SLC19A1: variants seen among roughly 807,000 people sequenced by gnomAD.
The protein encoded by SLC19A1 is solute carrier family 19 member 1.
In SLC19A1, 37 loss-of-function variants were observed where a neutral mutation model predicts 35.3. The ratio of observed to expected loss-of-function variants is 1.05; its 90% CI spans 0.81 to 1.38. The LOEUF (loss-of-function observed/expected upper bound fraction) is 1.38, where lower values mean the gene tolerates loss of function less well. SLC19A1 is among the 40% of genes most tolerant of loss of function. The pLI, the probability that SLC19A1 is intolerant of heterozygous loss-of-function variation, is 0.00. For synonymous variants in SLC19A1, 460 were observed against 398.5 expected (o/e 1.15, Z -1.84); for missense variants, 831 against 826.9 (o/e 1.00, Z -0.06).
Position 45,503,687 on chromosome 21 carries a change from G to A in SLC19A1, c.498-5075C>T, listed in dbSNP as rs574626928. 4.2e-4 allele frequency among the ~76,000 whole-genome samples: 64 copies of A among 151,318 alleles called. 1 individual carries two copies. The highest frequency in any genetic ancestry group is 8.4e-4 in the South Asian group (4 of 4,776). On this transcript the variant is annotated intron_variant, in intron 3 of 4. Transcript: ENST00000417954. Reference sequence around the variant, plus strand: ...GCATTGGGAGATATACCTAATGCTAGATGACGAGTTAGTGGGTGCAGCACA... The same window carrying A: ...GCATTGGGAGATATACCTAATGCTAAATGACGAGTTAGTGGGTGCAGCACA...
intron 1 of SLC19A1, among the ~76,000 whole-genome samples, chr21:45,557,074 C>G (rs2078570515): frequency 6.6e-6 from 1 of 152,182 alleles, no homozygotes; most frequent in Non-Finnish European, 1.5e-5. Flanking sequence ...GCCCTGGTAC[C>G]AGGACTTGGG....
chr21:45,529,731 TGTCC>T (rs1422393640), intron 4 of SLC19A1, among the ~76,000 whole-genome samples: 2 of 151,338 alleles, frequency 1.3e-5, no homozygotes, highest in Non-Finnish European at 2.9e-5. Flanking sequence ...GCGTGTAGCA[TGTCC>T]ATGTGTGCTG....
chr21:45,547,864 A>G (rs763744794), upstream of SLC19A1, among the ~76,000 whole-genome samples: 1 of 152,060 alleles, frequency 6.6e-6, no homozygotes, highest in African/African-American at 2.4e-5. Flanking sequence ...ACATAGTTTG[A>G]CTCTTTTCAT....
chr21:45,529,212 G>A (rs916760158), intron 4 of SLC19A1, among the ~76,000 whole-genome samples: 3 of 152,244 alleles, frequency 2.0e-5, no homozygotes, highest in Non-Finnish European at 2.9e-5. Flanking sequence ...TGCCCATGCC[G>A]GGAGACTGCT....
upstream of SLC19A1, among the ~76,000 whole-genome samples, chr21:45,545,716 C>T (rs2078407692): frequency 6.6e-6 from 1 of 152,112 alleles, no homozygotes; most frequent in Admixed American, 6.5e-5. Context: ...AGACGGCACC[C>T]CATATGCAGG....
rs371774034 is a variant in SLC19A1 at position 45,505,909 on chromosome 21, C to T, written c.498-7297G>A. The T allele has an allele frequency of 1.1e-5, 18 of 1,612,868 alleles. No individual in the cohort carries two copies. The highest frequency in any genetic ancestry group is 5.5e-5 in the South Asian group (5 of 91,086). ...AGGTTCCCGAGGGCTGGCTCATCTT[C>T]GTGGCCGAGCAGGAGGAGCTCTACG... On this transcript the variant is annotated intron_variant, in intron 3 of 4. Coordinates refer to the SLC19A1 transcript ENST00000417954.
downstream of SLC19A1, chr21:45,509,617 A>G (rs1444185372): frequency 1.3e-5 from 18 of 1,366,000 alleles, no homozygotes; most frequent in Non-Finnish European, 1.7e-5. Context: ...TGCCCCCCCA[A>G]AGTGGGCTTG....
Position 45,513,773 on chromosome 21 carries a change from AAGG to A in SLC19A1, c.*1882_*1884del, listed in dbSNP as rs2037745132. On this transcript the variant is annotated 3_prime_UTR_variant, in exon 6 of 6. Transcript: ENST00000311124. ...TCACAGGAAGGACACAATTCTCCAAAAGGAGTTCTCAGGAGTCTTTTATCCCTG... is the reference window on the plus strand; with the variant it reads ...TCACAGGAAGGACACAATTCTCCAAAAGTTCTCAGGAGTCTTTTATCCCTG... The A allele has an allele frequency of 6.6e-6, 1 of 152,238 alleles. No homozygotes were observed. Among genetic ancestry groups the A allele is most frequent in the Non-Finnish European group, 1.5e-5 (1 of 68,026 alleles). 9.4% of individuals were successfully genotyped at this position (152,238 alleles called of 1,614,324 possible).
downstream of SLC19A1, chr21:45,509,570 C>A: frequency 6.5e-7 from 1 of 1,529,216 alleles, no homozygotes; most frequent in Non-Finnish European, 8.8e-7. Flanking sequence ...ACAAGCCCAC[C>A]CGCCCACAGC....
At chr21:45,503,747 T>C (rs1057212033) in intron 3 of SLC19A1, among the ~76,000 whole-genome samples, 2 of 151,966 alleles carry the variant, frequency 1.3e-5, no homozygotes, top group Non-Finnish European at 2.9e-5. Flanking sequence ...GTAACTAACC[T>C]GCACATCATG....
At chr21:45,512,183 T>C, downstream of SLC19A1, 1 of 1,611,230 alleles carries the variant, frequency 6.2e-7, no homozygotes, top group Non-Finnish European at 8.5e-7. Flanking sequence ...CGGCGCGTCT[T>C]ACAGGCCCCA....
Position 45,515,026 on chromosome 21 carries a change from T to C in SLC19A1, c.*632A>G. 1 of 1,538,630 alleles carries C rather than the reference T, an allele frequency of 6.5e-7. No individual in the cohort carries two copies. Among genetic ancestry groups the C allele is most frequent in the Non-Finnish European group, 8.7e-7 (1 of 1,143,482 alleles). On this transcript the variant is annotated 3_prime_UTR_variant, in exon 6 of 6. Coordinates refer to ENST00000311124, the MANE Select transcript of SLC19A1 (RefSeq NM_194255.4). ...CAGACAGGACCATGGAGGGCTGCCC[T>C]TAGGGTGGGAGAGAGGAACCAGCTC...
chr21:45,544,599 G>A (rs776442856), upstream of SLC19A1, among the ~76,000 whole-genome samples: 27 of 152,308 alleles, frequency 1.8e-4, 1 homozygote, highest in East Asian at 3.9e-4. Flanking sequence ...GTGCCTGAGC[G>A]TCAGGGATGG....
At position 45,549,446 on chromosome 21, in the gene SLC19A1, A is replaced by C. The variant is rs539125519; in HGVS notation, c.-49-11438T>G. ...AATGGGTGCAATTTATGGCATGTGA[A>C]TTGCACCTCGATAAAATTGTTTTTT... On this transcript the variant is annotated intron_variant, in intron 1 of 5. Coordinates refer to the SLC19A1 transcript ENST00000650808. Among the ~76,000 whole-genome samples, 7 of 151,498 alleles carry C rather than the reference A, an allele frequency of 4.6e-5. No homozygotes were observed. The South Asian group carries it at 1.5e-3, about 32-fold the overall frequency.
chr21:45,509,500 C>T, downstream of SLC19A1: 2 of 1,531,600 alleles, frequency 1.3e-6, no homozygotes, highest in Non-Finnish European at 1.8e-6. Flanking sequence ...GCCCGAGCCC[C>T]AGCCCTACCC....
chr21:45,535,684 G>A (rs756021708), intron 2 of SLC19A1, among the ~76,000 whole-genome samples: 5 of 152,234 alleles, frequency 3.3e-5, no homozygotes, highest in Non-Finnish European at 5.9e-5. Context: ...ACTGCCTGAG[G>A]CTGCCAGCTC....
chr21:45,535,619 A>G (rs1239016589), intron 2 of SLC19A1, among the ~76,000 whole-genome samples: 1 of 152,146 alleles, frequency 6.6e-6, no homozygotes, highest in Admixed American at 6.5e-5. Context: ...AGGAAGCAGC[A>G]TTCGCCCCAG....
intron 5 of SLC19A1, among the ~76,000 whole-genome samples, chr21:45,518,547 C>T (rs144631453): frequency 6.6e-6 from 1 of 152,222 alleles, no homozygotes; most frequent in African/African-American, 2.4e-5. Flanking sequence ...AAAATCACAC[C>T]AACACATACC....
In SLC19A1 at chr21:45,530,772, G is replaced by A. The variant is rs1440704642; in HGVS notation, c.1149C>T (p.Ala383=). 2 of 1,557,446 alleles carry A rather than the reference G, an allele frequency of 1.3e-6. No individual in the cohort carries two copies. The highest frequency in any genetic ancestry group is 2.4e-5 in the South Asian group (2 of 84,878). ...RGSYQFLVPI[A]TFQIASSLSK... Reference sequence around the variant, plus strand: ...CTTCCCACCCTTCTGGAACTCACGTGGCGATGGGCACGAGGAACTGGTAGG... The same window carrying A: ...CTTCCCACCCTTCTGGAACTCACGTAGCGATGGGCACGAGGAACTGGTAGG... The change falls in exon 4 of 6, where the codon GCC becomes GCT. Residue 383 remains alanine (A), a splice_region_variant and synonymous_variant. Coordinates refer to ENST00000311124, the MANE Select transcript of SLC19A1 (RefSeq NM_194255.4). This position sits in a 1 kb window ranked among gnomAD's most constrained non-coding sequence, Gnocchi z 5.3.
Sources: gnomAD v4.1 joint callset for allele counts (sites outside exome capture counted in the v4.1 genomes callset) on GRCh38, gnomAD v4.1.1 for gene constraint, Gnocchi (gnomAD v3.1) non-coding constraint, MANE v1.5 for transcripts, NCBI Gene and HGNC (gene_info 2026-07-23, HGNC 2026-07-21) for gene names.